RORA: variants seen among roughly 807,000 people sequenced by gnomAD.
The protein encoded by RORA is RAR related orphan receptor A.
A neutral mutation model predicts 69.5 loss-of-function variants in RORA; 7 were observed. The observed-to-expected ratio is 0.10, with a 90% CI of 0.06 to 0.19. The LOEUF (loss-of-function observed/expected upper bound fraction) is 0.19. Ranked by LOEUF, RORA falls within the 10% of genes least tolerant of loss-of-function variation. The pLI, the probability that RORA is intolerant of heterozygous loss-of-function variation, is 1.00. For synonymous variants in RORA, 261 were observed against 240.8 expected (o/e 1.08, Z -0.78); for missense variants, 457 against 663.0 (o/e 0.69, Z 3.41).
At chr15:60,728,834 G>T (rs988050806) in intron 1 of RORA, among the ~76,000 whole-genome samples, 1 of 152,140 alleles carries the variant, frequency 6.6e-6, no homozygotes, top group Non-Finnish European at 1.5e-5. Context: ...TAATTCAACT[G>T]TAAGTCAGAG....
At chr15:60,719,702 A>G (rs1353646663) in intron 1 of RORA, among the ~76,000 whole-genome samples, 1 of 152,198 alleles carries the variant, frequency 6.6e-6, no homozygotes, top group East Asian at 1.9e-4. Flanking sequence ...GAACTGGTAC[A>G]TATCAGACCC....
At chr15:60,518,498 T>G (rs752477802) in intron 3 of RORA, among the ~76,000 whole-genome samples, 3 of 152,208 alleles carry the variant, frequency 2.0e-5, no homozygotes, top group Non-Finnish European at 2.9e-5. Context: ...GCTGGATAAC[T>G]CCTACATACA....
chr15:60,842,278 C>A (rs2073209187), intron 1 of RORA, among the ~76,000 whole-genome samples: 2 of 152,142 alleles, frequency 1.3e-5, no homozygotes, highest in African/African-American at 2.4e-5. Flanking sequence ...TATTTAATAT[C>A]ATCCCTGCAG....
chr15:60,982,812 T>C (rs754819606), intron 1 of RORA, among the ~76,000 whole-genome samples: 1 of 152,232 alleles, frequency 6.6e-6, no homozygotes, highest in East Asian at 1.9e-4. Flanking sequence ...TCCAGAGTTC[T>C]GAAAAAGCAC....
intron 2 of RORA, among the ~76,000 whole-genome samples, chr15:60,555,678 T>C (rs1019314913): frequency 2.0e-5 from 3 of 152,116 alleles, no homozygotes; most frequent in African/African-American, 7.2e-5. Context: ...TGAAGTGGTC[T>C]TGTGTTCATA....
chr15:61,098,241 TC>T (rs2078824747), intron 1 of RORA, among the ~76,000 whole-genome samples: 2 of 130,460 alleles, frequency 1.5e-5, no homozygotes, highest in Non-Finnish European at 3.3e-5. Flanking sequence ...CTCTCCCTTT[TC>T]TCCCTCCCCC....
rs1341899271 is a variant in RORA, at chr15:60,511,085, G to A, written c.820+141C>T. 3 of 871,584 alleles carry A rather than the reference G, an allele frequency of 3.4e-6. No individual in the cohort carries two copies. Among genetic ancestry groups the A allele is most frequent in the African/African-American group, 1.7e-5 (1 of 59,120 alleles). The allele number at this position is 871,584 out of a possible 1,614,324, so 54.0% of individuals were successfully genotyped here. On this transcript the variant is annotated intron_variant, in intron 5 of 10. Coordinates refer to ENST00000335670, the MANE Select transcript of RORA (RefSeq NM_134261.3). The surrounding 1 kb of genome is among the most constrained non-coding windows in gnomAD (Gnocchi z 6.4). Reference sequence around the variant, plus strand: ...ACAGCAGAGGGTCAAAAGCAAGGGGGCAGGGCAGAAAATTAAGTGGCCCAA... The same window carrying A: ...ACAGCAGAGGGTCAAAAGCAAGGGGACAGGGCAGAAAATTAAGTGGCCCAA...
chr15:60,536,042 ATAACCATCAACCTT>A (rs1366442053), intron 2 of RORA, among the ~76,000 whole-genome samples: 1 of 152,192 alleles, frequency 6.6e-6, no homozygotes, highest in East Asian at 1.9e-4. Context: ...ATAACTAAAA[ATAACCATCAACCTT>A]CTAGGCCACT....
chr15:60,611,728 G>A (rs1461905312), intron 2 of RORA, among the ~76,000 whole-genome samples: 4 of 152,088 alleles, frequency 2.6e-5, no homozygotes, highest in Non-Finnish European at 5.9e-5. Context: ...ACCTGATGGA[G>A]AGACCCGCCT....
At chr15:60,889,422 T>C (rs2073789327) in intron 1 of RORA, among the ~76,000 whole-genome samples, 1 of 152,230 alleles carries the variant, frequency 6.6e-6, no homozygotes, top group African/African-American at 2.4e-5. Context: ...ACTCATTTGT[T>C]CATTTTCCTC....
intron 3 of RORA, among the ~76,000 whole-genome samples, chr15:60,522,770 TAAAAA>T (rs34289911): frequency 8.1e-6 from 1 of 124,170 alleles, no homozygotes. Flanking sequence ...CCCTGTGTCT[TAAAAA>T]AAAAAAAAAA....
At chr15:61,216,311 G>C (rs2080039884) in intron 1 of RORA, among the ~76,000 whole-genome samples, 1 of 152,174 alleles carries the variant, frequency 6.6e-6, no homozygotes, top group South Asian at 2.1e-4. Flanking sequence ...TCTCTCATCA[G>C]CTCAAATACT....
rs201501237 is a variant in RORA, at chr15:60,669,345, TTG to T, written c.196+9310_196+9311del. ...TCCTTCCCAATAAGCGTTTTTTTGT[TTG>T]TTTGTTTGTTTGTTTGTTTGTTTGT... is the stretch of plus-strand genomic sequence containing the variant. On this transcript the variant is annotated intron_variant, in intron 2 of 10. Transcript: ENST00000335670. 2.2e-3 allele frequency among the ~76,000 whole-genome samples: 317 copies of T among 143,952 alleles called. 3 individuals carry two copies. The highest frequency in any genetic ancestry group is 0.014 in the East Asian group (63 of 4,658). 94.4% of individuals were successfully genotyped at this position (143,952 alleles called of 152,430 possible).
chr15:60,863,028 T>C (rs1447679691), intron 1 of RORA, among the ~76,000 whole-genome samples: 1 of 152,238 alleles, frequency 6.6e-6, no homozygotes, highest in Non-Finnish European at 1.5e-5. Context: ...ATATCTAAAC[T>C]TGGGCATTAA....
At chr15:60,652,109 C>A (rs62003342) in intron 2 of RORA, among the ~76,000 whole-genome samples, 1 of 151,336 alleles carries the variant, frequency 6.6e-6, no homozygotes, top group Admixed American at 6.6e-5. Context: ...TAGCAGACTG[C>A]CTTTTTTTTT....
intron 2 of RORA, among the ~76,000 whole-genome samples, chr15:60,646,603 A>G (rs1379522849): frequency 3.3e-5 from 5 of 152,224 alleles, no homozygotes; most frequent in Non-Finnish European, 7.3e-5. Context: ...TGGTGGCACC[A>G]CTGTCCCCCA....
At chr15:60,681,565 T>C (rs1168538174) in intron 1 of RORA, 3 of 152,218 alleles carry the variant, frequency 2.0e-5, no homozygotes, top group Non-Finnish European at 2.9e-5. Context: ...TTCTAGAACA[T>C]AGTATTCTGC....
At chr15:60,798,067 T>C (rs1015936208) in intron 1 of RORA, among the ~76,000 whole-genome samples, 1 of 152,032 alleles carries the variant, frequency 6.6e-6, no homozygotes, top group Non-Finnish European at 1.5e-5. Context: ...ACTCTGGCAT[T>C]AAGGAGACAC....
chr15:60,906,706 T>C (rs939920685), intron 1 of RORA, among the ~76,000 whole-genome samples: 3 of 152,330 alleles, frequency 2.0e-5, no homozygotes, highest in African/African-American at 7.2e-5. Flanking sequence ...AGGGGCTAGC[T>C]ATGCAGAAAT....
Sources: gnomAD v4.1 joint callset for allele counts (sites outside exome capture counted in the v4.1 genomes callset) on GRCh38, gnomAD v4.1.1 for gene constraint, Gnocchi (gnomAD v3.1) non-coding constraint, MANE v1.5 for transcripts, NCBI Gene and HGNC (gene_info 2026-07-23, HGNC 2026-07-21) for gene names.